C1orf21: variants seen among roughly 807,000 people sequenced by gnomAD.
C1orf21 encodes the protein chromosome 1 open reading frame 21, also known as uncharacterized protein C1orf21.
A neutral mutation model predicts 18.7 loss-of-function variants in C1orf21; 3 were observed. The observed-to-expected ratio is 0.16, with a 90% CI of 0.07 to 0.42. The LOEUF is 0.42. Among genes scored for constraint, C1orf21 ranks in the 10% least tolerant of loss-of-function variants. The probability of loss-of-function intolerance (pLI) is 0.99; values close to 1 mark genes in which losing one functional copy is unlikely to be tolerated. For missense variants in C1orf21, 104 were observed against 143.6 expected (o/e 0.72, Z 1.41); for synonymous variants, 41 against 46.4 (o/e 0.88, Z 0.47).
chr1:184,447,989 T>A (rs1557974489), intron 1 of C1orf21, among the ~76,000 whole-genome samples: 1 of 152,216 alleles, frequency 6.6e-6, no homozygotes, highest in Non-Finnish European at 1.5e-5. Context: ...TAGACTTTGC[T>A]TATATATTCA....
At chr1:184,421,279 A>T (rs1408841399) in intron 1 of C1orf21, among the ~76,000 whole-genome samples, 9 of 151,950 alleles carry the variant, frequency 5.9e-5, no homozygotes, top group Non-Finnish European at 1.2e-4. Context: ...TAATTTTTAA[A>T]TTTTTTGTAG....
chr1:184,577,675 A>G (rs1200710142), intron 3 of C1orf21, among the ~76,000 whole-genome samples: 1 of 152,174 alleles, frequency 6.6e-6, no homozygotes, highest in Non-Finnish European at 1.5e-5. Context: ...TAGCTTTGAC[A>G]TGCGCAGTTT....
chr1:184,512,479 G>A (rs1232578012), intron 3 of C1orf21, among the ~76,000 whole-genome samples: 1 of 152,156 alleles, frequency 6.6e-6, no homozygotes, highest in Non-Finnish European at 1.5e-5. Flanking sequence ...GGCTGATGAT[G>A]AATGATTTAT....
intron 1 of C1orf21, among the ~76,000 whole-genome samples, chr1:184,472,884 C>T (rs995245404): frequency 1.3e-5 from 2 of 152,034 alleles, no homozygotes; most frequent in South Asian, 2.1e-4. Context: ...CCTTGAGGTA[C>T]GGTGTAAGGA....
intron 1 of C1orf21, among the ~76,000 whole-genome samples, chr1:184,439,892 CTAAT>C (rs1211511094): frequency 6.6e-6 from 1 of 152,154 alleles, no homozygotes. Flanking sequence ...AAAATTAAAA[CTAAT>C]GATTTATTTA....
intron 1 of C1orf21, among the ~76,000 whole-genome samples, chr1:184,397,709 G>A (rs1486845073): frequency 6.6e-6 from 1 of 152,178 alleles, no homozygotes; most frequent in South Asian, 2.1e-4. Flanking sequence ...TCTGAGTTTA[G>A]CCTTGTATAA....
At chr1:184,572,811 G>A (rs573116634) in intron 3 of C1orf21, among the ~76,000 whole-genome samples, 1 of 152,050 alleles carries the variant, frequency 6.6e-6, no homozygotes, top group African/African-American at 2.4e-5. Context: ...AATCAGCCAC[G>A]CATGGTGGCA....
chr1:184,557,978 G>T (rs1658901711), intron 3 of C1orf21, among the ~76,000 whole-genome samples: 1 of 152,052 alleles, frequency 6.6e-6, no homozygotes, highest in East Asian at 1.9e-4. Context: ...CCCTTAACAG[G>T]TTTCATTGTG....
intron 5 of C1orf21, among the ~76,000 whole-genome samples, chr1:184,611,250 G>A (rs547978936): frequency 6.6e-6 from 1 of 152,288 alleles, no homozygotes; most frequent in East Asian, 1.9e-4. Context: ...TCTTCAGTAT[G>A]TCTTTGGCAT....
Position 184,616,596 on chromosome 1 carries a change from C to A in C1orf21, c.328-2922C>A, listed in dbSNP as rs1659827082. On this transcript the variant is annotated intron_variant, in intron 5 of 5. Transcript: ENST00000235307. ...ACTGTGGTTTGAAATGGTCCTTCTA[C>A]TACATAACCCAGAAACTCATTTACC... Among the ~76,000 whole-genome samples, 3 of 152,212 alleles carry A rather than the reference C, an allele frequency of 2.0e-5. No individual in the cohort carries two copies. The South Asian group carries it at 6.2e-4, about 32-fold the overall frequency.
chr1:184,566,658 G>T, intron 3 of C1orf21: 1 of 396,730 alleles, frequency 2.5e-6, no homozygotes, highest in South Asian at 2.2e-5. Flanking sequence ...AGTATGTAAG[G>T]GAAATTTCAC....
intron 4 of C1orf21, among the ~76,000 whole-genome samples, chr1:184,594,566 A>G (rs1659488397): frequency 6.6e-6 from 1 of 152,224 alleles, no homozygotes; most frequent in Non-Finnish European, 1.5e-5. Flanking sequence ...ATTTTAACAA[A>G]GTCTCTTGGT....
intron 5 of C1orf21, among the ~76,000 whole-genome samples, chr1:184,609,776 G>GA (rs1171386597): frequency 6.6e-6 from 1 of 152,070 alleles, no homozygotes; most frequent in Non-Finnish European, 1.5e-5. Context: ...AACGTTAAGT[G>GA]AAAAAAAGCA....
At chr1:184,516,609 G>A (rs1658233756) in intron 3 of C1orf21, among the ~76,000 whole-genome samples, 1 of 152,178 alleles carries the variant, frequency 6.6e-6, no homozygotes, top group African/African-American at 2.4e-5. Context: ...CATCTTACAT[G>A]GATGGCAGCC....
intron 3 of C1orf21, among the ~76,000 whole-genome samples, chr1:184,569,566 T>G (rs1362198373): frequency 6.6e-6 from 1 of 152,122 alleles, no homozygotes; most frequent in Admixed American, 6.5e-5. Flanking sequence ...AAAATAAAAT[T>G]AAACTCCAGA....
intron 2 of C1orf21, among the ~76,000 whole-genome samples, chr1:184,481,860 T>C (rs1202552484): frequency 6.6e-6 from 1 of 152,184 alleles, no homozygotes; most frequent in Non-Finnish European, 1.5e-5. Flanking sequence ...CAGAATCCAA[T>C]GTCAAGACAG....
chr1:184,412,337 G>A (rs894331973), intron 1 of C1orf21: 2 of 152,242 alleles, frequency 1.3e-5, no homozygotes, highest in African/African-American at 4.8e-5. Flanking sequence ...CCATGCTTGG[G>A]AATGTCCTCC....
intron 1 of C1orf21, among the ~76,000 whole-genome samples, chr1:184,438,404 G>A (rs1656891757): frequency 6.6e-6 from 1 of 152,214 alleles, no homozygotes; most frequent in Admixed American, 6.5e-5. Context: ...CTATGGCAAT[G>A]TTTTGTCTGG....
intron 4 of C1orf21, among the ~76,000 whole-genome samples, chr1:184,592,576 A>G (rs1659454366): frequency 6.6e-6 from 1 of 152,194 alleles, no homozygotes; most frequent in African/African-American, 2.4e-5. Flanking sequence ...ACCTAAATGG[A>G]GACAAATTTC....
Sources: gnomAD v4.1 joint callset for allele counts (sites outside exome capture counted in the v4.1 genomes callset) on GRCh38, gnomAD v4.1.1 for gene constraint, MANE v1.5 for transcripts, NCBI Gene and HGNC (gene_info 2026-07-23, HGNC 2026-07-21) for gene names.